The following MICU3 variants were observed in gnomAD, a reference collection of about 807,000 sequenced individuals.
MICU3 encodes calcium uptake protein 3, mitochondrial.
MICU3 carries 62 observed loss-of-function variants against 66.5 expected under a neutral mutation model. That is an observed-to-expected ratio of 0.93 (90% CI 0.76 to 1.15). MICU3 has a LOEUF of 1.15. Among genes scored for constraint, MICU3 ranks in the 50% most tolerant of loss-of-function variants. MICU3 has a pLI of 0.00. For synonymous variants in MICU3, 308 were observed against 240.7 expected (o/e 1.28, Z -2.59); for missense variants, 779 against 664.4 (o/e 1.17, Z -1.90).
chr8:17,101,729 C>T (rs915713256), intron 9 of MICU3, among the ~76,000 whole-genome samples: 1 of 151,838 alleles, frequency 6.6e-6, no homozygotes, highest in Non-Finnish European at 1.5e-5. Flanking sequence ...CCTGTAACCA[C>T]TCATTTTAAG....
At chr8:17,112,242 G>A (rs946469140) in intron 11 of MICU3, among the ~76,000 whole-genome samples, 1 of 152,100 alleles carries the variant, frequency 6.6e-6, no homozygotes, top group Non-Finnish European at 1.5e-5. Context: ...AGTTTATTCC[G>A]GTACTCTCAG....
intron 8 of MICU3, among the ~76,000 whole-genome samples, chr8:17,094,447 G>A (rs1230074190): frequency 6.6e-6 from 1 of 151,978 alleles, no homozygotes; most frequent in African/African-American, 2.4e-5. Context: ...TTTTAATGTA[G>A]GAAAAACAAC....
At chr8:17,098,395 A>G (rs1800950565) in intron 8 of MICU3, 63 bp from the exon 9 acceptor site, 7 of 1,073,972 alleles carry the variant, frequency 6.5e-6, no homozygotes, top group East Asian at 4.7e-5. Flanking sequence ...TTTAAAGTGT[A>G]TAAATTATCA....
At chr8:17,104,705 C>G (rs945491273) in intron 10 of MICU3, among the ~76,000 whole-genome samples, 1 of 144,138 alleles carries the variant, frequency 6.9e-6, no homozygotes, top group Admixed American at 6.9e-5. Context: ...TTTAAAAATT[C>G]CAGATATCGG....
the MICU3 span, among the ~76,000 whole-genome samples, chr8:17,135,819 C>T: frequency 6.6e-6 from 1 of 152,052 alleles, no homozygotes; most frequent in African/African-American, 2.4e-5. Flanking sequence ...TCTCAAATGC[C>T]TTTCAGTAGT....
chr8:17,108,469 A>G (rs1801922835), intron 11 of MICU3, among the ~76,000 whole-genome samples: 1 of 152,012 alleles, frequency 6.6e-6, no homozygotes, highest in Admixed American at 6.6e-5. Context: ...ATTCCATAAC[A>G]CTTGTTCTGC....
intron 2 of MICU3, among the ~76,000 whole-genome samples, chr8:17,064,545 C>A (rs942818150): frequency 4.6e-5 from 7 of 152,136 alleles, no homozygotes; most frequent in African/African-American, 1.4e-4. Context: ...GTTCAGAGGA[C>A]TGGCTTTGAG....
At chr8:17,099,128 C>T (rs1042379696) in intron 9 of MICU3, among the ~76,000 whole-genome samples, 4 of 151,666 alleles carry the variant, frequency 2.6e-5, no homozygotes, top group African/African-American at 4.8e-5. Context: ...ACTGCTGCAT[C>T]GGAGTGGGCT....
chr8:17,104,789 A>T (rs1801597487), intron 10 of MICU3, among the ~76,000 whole-genome samples: 1 of 93,602 alleles, frequency 1.1e-5, no homozygotes, highest in African/African-American at 8.8e-5. Context: ...AGGTCAGGAG[A>T]TCGAGACCAT....
Position 17,109,643 on chromosome 8 carries a change from T to C in MICU3, c.1257+4059T>C, listed in dbSNP as rs995941461. ...TCACAGGACTAGAAATTGGTTCCTC[T>C]AAGGAAGGAAACTACATGGCTAAGG... On this transcript the variant is annotated intron_variant, in intron 11 of 14. Transcript: ENST00000318063. Among the ~76,000 whole-genome samples, 15 of 152,268 alleles carry C rather than the reference T, an allele frequency of 9.9e-5. No individual in the cohort carries two copies. In the East Asian group the frequency reaches 1.4e-3, roughly 14 times the overall value.
intron 2 of MICU3, among the ~76,000 whole-genome samples, chr8:17,068,466 T>C (rs1337400830): frequency 3.3e-5 from 5 of 152,226 alleles, no homozygotes; most frequent in African/African-American, 1.2e-4. Flanking sequence ...CTTACTGCTA[T>C]ATTTTAAGAG....
chr8:17,054,658 A>G (rs1018867827), intron 1 of MICU3, among the ~76,000 whole-genome samples: 5 of 151,500 alleles, frequency 3.3e-5, no homozygotes, highest in African/African-American at 1.2e-4. Flanking sequence ...AGCAAAAACC[A>G]TTTGTTTACC....
intron 8 of MICU3, among the ~76,000 whole-genome samples, chr8:17,098,242 C>A (rs56021207): frequency 6.6e-6 from 1 of 151,414 alleles, no homozygotes; most frequent in Non-Finnish European, 1.5e-5. Flanking sequence ...ATTGTACTTA[C>A]AAATAGTGGT....
At chr8:17,033,717 T>A (rs534437035) in intron 1 of MICU3, among the ~76,000 whole-genome samples, 1 of 152,164 alleles carries the variant, frequency 6.6e-6, no homozygotes, top group African/African-American at 2.4e-5. Context: ...GATTACAGTG[T>A]GAGCCACCGT....
intron 1 of MICU3, among the ~76,000 whole-genome samples, chr8:17,034,583 A>T (rs1378000860): frequency 2.0e-5 from 3 of 152,218 alleles, no homozygotes; most frequent in Non-Finnish European, 4.4e-5. Context: ...GTAGAGGTAA[A>T]AGTATCAACA....
At chr8:17,090,712 A>G (rs1024192499) in intron 8 of MICU3, 128 bp downstream of exon 8, 9 of 628,118 alleles carry the variant, frequency 1.4e-5, no homozygotes, top group Non-Finnish European at 2.1e-5. Flanking sequence ...TATTGAACAC[A>G]ATAGGTGCAA....
intron 1 of MICU3, among the ~76,000 whole-genome samples, chr8:17,036,159 G>A (rs1197987248): frequency 1.3e-5 from 2 of 152,068 alleles, no homozygotes; most frequent in African/African-American, 4.8e-5. Context: ...GGTCTCGCTG[G>A]CTCAAGAGTG....
intron 3 of MICU3, among the ~76,000 whole-genome samples, chr8:17,072,320 A>T (rs988985956): frequency 6.6e-6 from 1 of 152,174 alleles, no homozygotes; most frequent in Non-Finnish European, 1.5e-5. Flanking sequence ...TGTTTGAATA[A>T]TAACTTTTCC....
chr8:17,092,604 C>T (rs146028263), intron 8 of MICU3, among the ~76,000 whole-genome samples: 4 of 151,960 alleles, frequency 2.6e-5, no homozygotes, highest in East Asian at 1.9e-4. Flanking sequence ...CAGGATTTTT[C>T]AACTCCTCTA....
Sources: allele counts gnomAD v4.1 joint callset (sites outside exome capture counted in the v4.1 genomes callset), GRCh38; gene constraint gnomAD v4.1.1; transcripts MANE v1.5; gene names NCBI Gene and HGNC (gene_info 2026-07-23, HGNC 2026-07-21).